AHI1: variants seen among roughly 807,000 people sequenced by gnomAD.
AHI1 encodes the protein jouberin.
Under a neutral mutation model 149.3 loss-of-function variants are expected in AHI1, and 123 were observed. The observed-to-expected ratio is 0.82, with a 90% CI of 0.71 to 0.96. The LOEUF (loss-of-function observed/expected upper bound fraction) is 0.96, where lower values mean the gene tolerates loss of function less well. Ranked by LOEUF, AHI1 falls within the 40% of genes least tolerant of loss-of-function variation. The probability of loss-of-function intolerance (pLI) is 0.00; values close to 1 mark genes in which losing one functional copy is unlikely to be tolerated. For synonymous variants in AHI1, 475 were observed against 459.8 expected, an observed-to-expected ratio of 1.03 and a Z score of -0.42; for missense variants, 1,439 against 1,422.7, an observed-to-expected ratio of 1.01 and a Z score of -0.18.
intron 23 of AHI1, among the ~76,000 whole-genome samples, chr6:135,388,320 G>A (rs1405688305): frequency 6.6e-6 from 1 of 152,204 alleles, no homozygotes; most frequent in Non-Finnish European, 1.5e-5. Flanking sequence ...CTGACGAGAT[G>A]AGAAAGTCTT....
chr6:135,432,120 C>G (rs1461937153), intron 16 of AHI1, among the ~76,000 whole-genome samples: 1 of 150,948 alleles, frequency 6.6e-6, no homozygotes, highest in African/African-American at 2.4e-5. Flanking sequence ...AGATACCTTT[C>G]TATTCAGAGT....
intron 27 of AHI1, among the ~76,000 whole-genome samples, chr6:135,300,090 C>T (rs985354979): frequency 3.9e-5 from 6 of 151,918 alleles, no homozygotes; most frequent in African/African-American, 7.3e-5. Context: ...TTTGGGAGGC[C>T]GAGGCAGGTG....
At chr6:135,378,406 A>G (rs1033644145) in intron 23 of AHI1, among the ~76,000 whole-genome samples, 9 of 152,244 alleles carry the variant, frequency 5.9e-5, no homozygotes, top group African/African-American at 1.9e-4. Flanking sequence ...CTAAAACCAT[A>G]AAGAGTTGCC....
chr6:135,419,753 G>A (rs1377150908), intron 20 of AHI1, among the ~76,000 whole-genome samples: 2 of 152,132 alleles, frequency 1.3e-5, no homozygotes, highest in African/African-American at 2.4e-5. Flanking sequence ...TGGGGTGGCT[G>A]TGGCAATTTA....
intron 3 of AHI1, among the ~76,000 whole-genome samples, chr6:135,494,807 T>C (rs1357192661): frequency 2.0e-5 from 3 of 152,058 alleles, no homozygotes; most frequent in East Asian, 1.9e-4. Context: ...ATCAGGGAGA[T>C]AGGTGAAAAA....
At chr6:135,463,429 C>G (rs1790243478) in intron 7 of AHI1, 123 bp from the exon 8 acceptor site, 2 of 766,296 alleles carry the variant, frequency 2.6e-6, no homozygotes, top group South Asian at 3.0e-5. Flanking sequence ...ATTATTGTCT[C>G]TTGAGAGATG....
chr6:135,450,116 C>T (rs900409804), intron 11 of AHI1, among the ~76,000 whole-genome samples: 10 of 151,994 alleles, frequency 6.6e-5, no homozygotes, highest in African/African-American at 2.2e-4. Flanking sequence ...AAGATGAAAC[C>T]ATGAGTAAGA....
intron 5 of AHI1, among the ~76,000 whole-genome samples, chr6:135,468,129 CTA>C (rs1243524985): frequency 1.3e-5 from 2 of 152,126 alleles, no homozygotes; most frequent in African/African-American, 2.4e-5. Context: ...TTTACCAACT[CTA>C]AGACTCTTTT....
intron 23 of AHI1, among the ~76,000 whole-genome samples, chr6:135,385,680 TG>T (rs1777479876): frequency 6.6e-6 from 1 of 152,178 alleles, no homozygotes; most frequent in African/African-American, 2.4e-5. Context: ...CATATTTGTA[TG>T]GGGGAAAACC....
intron 27 of AHI1, among the ~76,000 whole-genome samples, chr6:135,297,158 T>G (rs1783198499): frequency 6.6e-6 from 1 of 152,232 alleles, no homozygotes; most frequent in Non-Finnish European, 1.5e-5. Flanking sequence ...CTCAGGCTCA[T>G]GTAAAATGCT....
intron 5 of AHI1, among the ~76,000 whole-genome samples, chr6:135,468,156 T>C (rs1376991420): frequency 6.6e-6 from 1 of 152,186 alleles, no homozygotes; most frequent in Non-Finnish European, 1.5e-5. Flanking sequence ...ACCTAAAATA[T>C]ATTTCCAAAT....
At chr6:135,358,746 G>A (rs1793389269) in intron 23 of AHI1, among the ~76,000 whole-genome samples, 1 of 152,126 alleles carries the variant, frequency 6.6e-6, no homozygotes, top group African/African-American at 2.4e-5. Context: ...CTAATCTTGA[G>A]AAATATTCTT....
intron 24 of AHI1, among the ~76,000 whole-genome samples, chr6:135,335,799 A>G (rs1028294831): frequency 1.3e-5 from 2 of 152,190 alleles, no homozygotes; most frequent in African/African-American, 4.8e-5. Flanking sequence ...TGATTTACAG[A>G]TACAGTTTCA....
At position 135,379,977 on chromosome 6, in the gene AHI1, TCA is replaced by T. The variant is rs202096979; in HGVS notation, c.3109+14797_3109+14798del. 6.7e-3 allele frequency among the ~76,000 whole-genome samples: 387 copies of T among 58,140 alleles called. 12 individuals carry two copies. Among genetic ancestry groups the T allele is most frequent in the Middle Eastern group, 0.013 (1 of 76 alleles). The allele number at this position is 58,140 out of a possible 152,430, so 38.1% of individuals were successfully genotyped here. A position where few individuals can be genotyped will look rare whatever the true frequency, so the allele number is the denominator to read the frequency against. On this transcript the variant is annotated intron_variant, in intron 23 of 28. Transcript: ENST00000265602. ...CCCCTTCTCCCTCCCTCCCTCCCCT[TCA>T]CCCTCTCCCTCCCTCCCCTTCCCCT...
chr6:135,315,841 T>C (rs988460067), intron 26 of AHI1, among the ~76,000 whole-genome samples: 2 of 152,202 alleles, frequency 1.3e-5, no homozygotes, highest in Admixed American at 6.5e-5. Context: ...AACATAAAAA[T>C]ATCTTTAATT....
chr6:135,313,573 T>C (rs1785505840), intron 26 of AHI1, among the ~76,000 whole-genome samples: 1 of 152,152 alleles, frequency 6.6e-6, no homozygotes, highest in African/African-American at 2.4e-5. Flanking sequence ...AATATGAATA[T>C]GAAGGTATGT....
chr6:135,303,689 T>G (rs1387895998), intron 26 of AHI1, among the ~76,000 whole-genome samples: 1 of 152,196 alleles, frequency 6.6e-6, no homozygotes, highest in East Asian at 1.9e-4. Context: ...CTGAAGGTTA[T>G]ACTAGTGTTT....
In AHI1 at chr6:135,467,634, G is replaced by A. The variant is rs755787297; in HGVS notation, c.136C>T (p.Pro46Ser). ...KLVRSEENIS[P>S]DTIRSNLHYM... The stretch of plus-strand genomic sequence containing the variant: ...TGAAGATTGCTTCTAATAGTGTCAG[G>A]CTAAAAAGGAAGACATAATAAAGTT... Residue 46 changes from proline (P) to serine (S), a missense_variant and splice_region_variant, in exon 6 of 29, where the codon CCT (proline) becomes TCT (serine). Pro to Ser is a moderately conservative substitution (Grantham distance 74). Transcript: ENST00000265602. 2 of 1,599,464 alleles carry A rather than the reference G, an allele frequency of 1.3e-6. No homozygotes were observed. The highest frequency in any genetic ancestry group is 3.4e-5 in the Admixed American group (2 of 58,944).
At chr6:135,303,188 C>T (rs1391172698) in intron 26 of AHI1, among the ~76,000 whole-genome samples, 1 of 152,126 alleles carries the variant, frequency 6.6e-6, no homozygotes, top group Non-Finnish European at 1.5e-5. Context: ...GAAAACAACT[C>T]ATAGATAGCT....
Sources: allele counts gnomAD v4.1 joint callset (sites outside exome capture counted in the v4.1 genomes callset), GRCh38; gene constraint gnomAD v4.1.1; transcripts MANE v1.5; gene names NCBI Gene and HGNC (gene_info 2026-07-23, HGNC 2026-07-21).